The following DLEU7 variants were observed in gnomAD, a reference collection of about 807,000 sequenced individuals.
DLEU7 encodes deleted in lymphocytic leukemia 7.
Under a neutral mutation model 16.0 loss-of-function variants are expected in DLEU7, and 17 were observed. The ratio of observed to expected loss-of-function variants is 1.06; its 90% CI spans 0.73 to 1.59. DLEU7 has a LOEUF of 1.59. DLEU7 is among the 40% of genes most tolerant of loss of function. DLEU7 has a pLI of 0.00. For synonymous variants in DLEU7, 113 were observed against 139.8 expected (o/e 0.81, Z 1.35); for missense variants, 308 against 314.9 (o/e 0.98, Z 0.17).
chr13:50,760,760 G>A (rs1874904256), intron 1 of DLEU7, among the ~76,000 whole-genome samples: 1 of 152,104 alleles, frequency 6.6e-6, no homozygotes. Context: ...TTAAGAAAAT[G>A]TTCATATATT....
intron 1 of DLEU7, among the ~76,000 whole-genome samples, chr13:50,770,456 A>G (rs1430062503): frequency 2.6e-5 from 4 of 152,162 alleles, no homozygotes; most frequent in Non-Finnish European, 4.4e-5. Flanking sequence ...ATCAATACCT[A>G]GTTTATTGAG....
intron 1 of DLEU7, among the ~76,000 whole-genome samples, chr13:50,805,123 G>C (rs1196357059): frequency 6.6e-6 from 1 of 152,058 alleles, no homozygotes; most frequent in Non-Finnish European, 1.5e-5. Flanking sequence ...TCTTGTTCCT[G>C]ACATTAATAT....
At chr13:50,740,002 C>T (rs1874206622) in intron 1 of DLEU7, among the ~76,000 whole-genome samples, 1 of 152,064 alleles carries the variant, frequency 6.6e-6, no homozygotes, top group African/African-American at 2.4e-5. Flanking sequence ...TGATCCCTGC[C>T]TTGTTGTCGA....
In DLEU7 at chr13:50,773,539, G is replaced by A. The variant is rs138145749; in HGVS notation, c.460-60299C>T. ...TAAGAGTCACGTCCCTCAACTGCAGGTCTGTTGGAGTTTGCTGGAGGTCCA... is the reference window on the plus strand; with the variant it reads ...TAAGAGTCACGTCCCTCAACTGCAGATCTGTTGGAGTTTGCTGGAGGTCCA... On this transcript the variant is annotated intron_variant, in intron 1 of 1. Transcript: ENST00000400393. Among the ~76,000 whole-genome samples the A allele has an allele frequency of 2.3e-3, 356 of 152,280 alleles. 4 individuals are homozygous for A. The highest frequency in any genetic ancestry group is 2.0e-3 in the Non-Finnish European group (137 of 68,014).
intron 1 of DLEU7, among the ~76,000 whole-genome samples, chr13:50,809,728 G>A (rs1309151177): frequency 6.6e-6 from 1 of 152,104 alleles, no homozygotes; most frequent in Non-Finnish European, 1.5e-5. Context: ...CACAATGATT[G>A]TTCCTAATTA....
chr13:50,766,151 A>C (rs1045331366), intron 1 of DLEU7, among the ~76,000 whole-genome samples: 3 of 152,242 alleles, frequency 2.0e-5, no homozygotes, highest in Admixed American at 6.5e-5. Flanking sequence ...GATTTGGCAC[A>C]AAATGTACCA....
chr13:50,742,533 G>C (rs1333338179), intron 1 of DLEU7, among the ~76,000 whole-genome samples: 1 of 152,208 alleles, frequency 6.6e-6, no homozygotes, highest in East Asian at 1.9e-4. Flanking sequence ...AGGGTTCAAG[G>C]TTTATGATTT....
intron 1 of DLEU7, among the ~76,000 whole-genome samples, chr13:50,825,622 T>G (rs1841676): frequency 0.5 from 75,284 of 152,022 alleles, 19,041 homozygotes; most frequent in Non-Finnish European, 0.55. Flanking sequence ...TACTGCCAAA[T>G]ATCCAGTTGT....
rs538803137 is a variant in DLEU7, at chr13:50,741,402, G to A, written c.460-28162C>T. ...GTATTTGGGAAGTATGCAGATGATT[G>A]AGCTCTTTCCTCAAACTAAAAATCT... On this transcript the variant is annotated intron_variant, in intron 1 of 1. Coordinates refer to the DLEU7 transcript ENST00000400393. Among the ~76,000 whole-genome samples, 9 of 152,220 alleles carry A rather than the reference G, an allele frequency of 5.9e-5. No individual in the cohort carries two copies. In the South Asian group the frequency reaches 1.5e-3, roughly 25 times the overall value.
chr13:50,823,162 C>T lies in DLEU7; in HGVS notation c.*152G>A. 1 of 1,429,842 alleles carries T rather than the reference C, an allele frequency of 7.0e-7. No homozygotes were observed. The highest frequency in any genetic ancestry group is 2.8e-5 in the Admixed American group (1 of 36,252). 88.6% of individuals were successfully genotyped at this position (1,429,842 alleles called of 1,614,324 possible). ...TAACATGCTATAATCCCGAAGGCTACAGATGCCACTGGTCAGACTGCTCCA... is the reference window on the plus strand; with the variant it reads ...TAACATGCTATAATCCCGAAGGCTATAGATGCCACTGGTCAGACTGCTCCA... On this transcript the variant is annotated 3_prime_UTR_variant, in exon 2 of 2. Coordinates refer to ENST00000504404, the MANE Select transcript of DLEU7 (RefSeq NM_001306135.2).
intron 1 of DLEU7, among the ~76,000 whole-genome samples, chr13:50,751,083 G>A (rs1019856022): frequency 2.0e-5 from 3 of 152,038 alleles, no homozygotes; most frequent in Non-Finnish European, 4.4e-5. Flanking sequence ...GTCATAGACA[G>A]TATTACATTG....
intron 1 of DLEU7, among the ~76,000 whole-genome samples, chr13:50,788,537 A>G (rs1235142442): frequency 1.3e-5 from 2 of 152,182 alleles, no homozygotes; most frequent in Non-Finnish European, 2.9e-5. Flanking sequence ...GGCTGCCTAC[A>G]TCTCCAACTC....
intron 1 of DLEU7, among the ~76,000 whole-genome samples, chr13:50,827,513 TA>T (rs200738869): frequency 0.1 from 14,085 of 136,652 alleles, 861 homozygotes; most frequent in African/African-American, 0.19. Flanking sequence ...ACCCTGTCTC[TA>T]AAAAAAAAAA....
At chr13:50,791,988 C>T (rs1344826792) in intron 1 of DLEU7, among the ~76,000 whole-genome samples, 1 of 152,144 alleles carries the variant, frequency 6.6e-6, no homozygotes, top group African/African-American at 2.4e-5. Flanking sequence ...TTCTTGTTGG[C>T]AATCTCTTAC....
intron 1 of DLEU7, among the ~76,000 whole-genome samples, chr13:50,825,017 CATGGCTGGTGGTGGCAA>C (rs1877038736): frequency 6.6e-6 from 1 of 152,086 alleles, no homozygotes; most frequent in South Asian, 2.1e-4. Flanking sequence ...AATTTTTTTC[CATGGCTGGTGGTGGCAA>C]ATGGTGTCGA....
intron 1 of DLEU7, among the ~76,000 whole-genome samples, chr13:50,774,781 A>T (rs912178009): frequency 4.6e-5 from 7 of 152,058 alleles, no homozygotes; most frequent in African/African-American, 1.7e-4. Flanking sequence ...TTAAAAAAAA[A>T]ATCTCTTGCT....
chr13:50,722,305 C>T (rs1373156807), intron 1 of DLEU7, among the ~76,000 whole-genome samples: 1 of 152,186 alleles, frequency 6.6e-6, no homozygotes, highest in Non-Finnish European at 1.5e-5. Context: ...TGGCTGGGTT[C>T]ACCTGCTTTT....
chr13:50,779,510 A>G (rs1412678931), intron 1 of DLEU7, among the ~76,000 whole-genome samples: 1 of 152,224 alleles, frequency 6.6e-6, no homozygotes, highest in Non-Finnish European at 1.5e-5. Flanking sequence ...TAGCAGAGAC[A>G]TCACTACTAC....
chr13:50,820,880 A>G (rs1380464825), downstream of DLEU7, among the ~76,000 whole-genome samples: 1 of 152,178 alleles, frequency 6.6e-6, no homozygotes, highest in Non-Finnish European at 1.5e-5. Context: ...TCATTTCAAC[A>G]CGTAATCAGT....
Sources: allele counts gnomAD v4.1 joint callset (sites outside exome capture counted in the v4.1 genomes callset), GRCh38; gene constraint gnomAD v4.1.1; transcripts MANE v1.5; gene names NCBI Gene and HGNC (gene_info 2026-07-23, HGNC 2026-07-21).